Variants in WNT7A observed in about 807,000 individuals in gnomAD.
The protein encoded by WNT7A is Wnt family member 7A.
A neutral mutation model predicts 28.2 loss-of-function variants in WNT7A; 16 were observed. The ratio of observed to expected loss-of-function variants is 0.57; its 90% confidence interval spans 0.38 to 0.86. WNT7A has a LOEUF of 0.86. WNT7A is among the 40% of genes least tolerant of loss of function. The probability of loss-of-function intolerance (pLI) is 0.00; values close to 1 mark genes in which losing one functional copy is unlikely to be tolerated. For synonymous variants in WNT7A, 190 were observed against 195.9 expected (o/e 0.97, Z 0.25); for missense variants, 411 against 489.7 (o/e 0.84, Z 1.52).
intron 3 of WNT7A, among the ~76,000 whole-genome samples, chr3:13,821,978 C>A (rs375422865): frequency 1.3e-5 from 2 of 152,326 alleles, no homozygotes; most frequent in Non-Finnish European, 2.9e-5. Context: ...CAATGGCCAA[C>A]AAGCACATGA....
chr3:13,869,090 GAGAGAA>G (rs1396745159), intron 2 of WNT7A, among the ~76,000 whole-genome samples: 27 of 146,252 alleles, frequency 1.8e-4, no homozygotes, highest in Non-Finnish European at 3.6e-4. Flanking sequence ...GAAAGAGGGA[GAGAGAA>G]AGAGAAAGAG....
At chr3:13,866,002 A>G (rs887938992) in intron 2 of WNT7A, among the ~76,000 whole-genome samples, 2 of 152,254 alleles carry the variant, frequency 1.3e-5, no homozygotes, top group African/African-American at 4.8e-5. Context: ...AGGATGGTCC[A>G]GGAAGACCTC....
At chr3:13,823,383 C>T (rs1468851750) in intron 3 of WNT7A, among the ~76,000 whole-genome samples, 1 of 152,190 alleles carries the variant, frequency 6.6e-6, no homozygotes, top group Non-Finnish European at 1.5e-5. Context: ...GCAGAAAATG[C>T]CAGAAGGTAA....
At chr3:13,873,669 C>T (rs539833837) in intron 2 of WNT7A, among the ~76,000 whole-genome samples, 98 of 152,180 alleles carry the variant, frequency 6.4e-4, no homozygotes, top group Non-Finnish European at 1.1e-3. Flanking sequence ...CAAACCAGTT[C>T]GGAATGGATT....
At chr3:13,849,695 G>C (rs531587866) in intron 3 of WNT7A, among the ~76,000 whole-genome samples, 134 of 152,318 alleles carry the variant, frequency 8.8e-4, no homozygotes, top group South Asian at 2.5e-3. Flanking sequence ...GATGGAGAGA[G>C]ATGAGACAGA....
chr3:13,821,865 A>T (rs1223844784), intron 3 of WNT7A, among the ~76,000 whole-genome samples: 1 of 152,238 alleles, frequency 6.6e-6, no homozygotes, highest in African/African-American at 2.4e-5. Context: ...TTATGGTTAC[A>T]TGGATCATGC....
At chr3:13,868,193 T>C (rs1227116790) in intron 2 of WNT7A, among the ~76,000 whole-genome samples, 2 of 152,060 alleles carry the variant, frequency 1.3e-5, no homozygotes, top group Non-Finnish European at 2.9e-5. Context: ...AAGGTCACAA[T>C]ATTATTTAAG....
intron 2 of WNT7A, among the ~76,000 whole-genome samples, chr3:13,868,361 T>C (rs58454582): frequency 0.8 from 121,718 of 151,440 alleles, 49,715 homozygotes; most frequent in East Asian, 1. Context: ...GGTGAGGTGG[T>C]GTGTGCCTGT....
intron 3 of WNT7A, among the ~76,000 whole-genome samples, chr3:13,847,210 C>T (rs115191900): frequency 6.6e-6 from 1 of 152,210 alleles, no homozygotes; most frequent in African/African-American, 2.4e-5. Context: ...GTAGCTTCCT[C>T]TCTGGTCTAG....
chr3:13,872,537 G>A (rs1051784564), intron 2 of WNT7A, among the ~76,000 whole-genome samples: 3 of 151,974 alleles, frequency 2.0e-5, no homozygotes, highest in Admixed American at 6.5e-5. Context: ...AGGCTCCTCC[G>A]ACCAACTGCC....
intron 2 of WNT7A, among the ~76,000 whole-genome samples, chr3:13,869,982 C>T (rs1695006363): frequency 6.6e-6 from 1 of 152,152 alleles, no homozygotes; most frequent in Admixed American, 6.5e-5. Context: ...GTTGTTTCCT[C>T]TGCCTGGAAT....
chr3:13,858,175 C>A (rs1694776876), intron 2 of WNT7A, among the ~76,000 whole-genome samples: 1 of 152,194 alleles, frequency 6.6e-6, no homozygotes, highest in South Asian at 2.1e-4. Context: ...TGAAATGATT[C>A]CCAGGTGCAG....
intron 1 of WNT7A, among the ~76,000 whole-genome samples, chr3:13,878,123 T>C (rs972072814): frequency 3.3e-5 from 5 of 151,844 alleles, no homozygotes; most frequent in African/African-American, 1.2e-4. Context: ...CAGGACTCCC[T>C]CCCTCCCTCC....
intron 3 of WNT7A, among the ~76,000 whole-genome samples, chr3:13,849,492 T>C (rs558561332): frequency 6.6e-6 from 1 of 152,348 alleles, no homozygotes; most frequent in African/African-American, 2.4e-5. Flanking sequence ...TGCCATATCA[T>C]TTGTTCACTC....
chr3:13,825,375 G>A (rs1335482313), intron 3 of WNT7A, among the ~76,000 whole-genome samples: 8 of 152,130 alleles, frequency 5.3e-5, no homozygotes, highest in African/African-American at 1.7e-4. Flanking sequence ...CTGCCTATAC[G>A]TCAGCATTCC....
rs1008970178 is a variant in WNT7A at position 13,878,728 on chromosome 3, G to A, written c.71+1018C>T. 4.6e-5 allele frequency among the ~76,000 whole-genome samples: 7 copies of A among 152,332 alleles called. No homozygotes were observed. The South Asian group carries it at 6.2e-4, about 14-fold the overall frequency. On this transcript the variant is annotated intron_variant, in intron 1 of 3. Transcript: ENST00000285018. ...CCCCTCCTCAAAAGGGATGGTAATG[G>A]GTTCACTGCTGGGGGCTGGAGGGGC... is the stretch of plus-strand genomic sequence containing the variant.
At chr3:13,868,460 G>C (rs541771036) in intron 2 of WNT7A, among the ~76,000 whole-genome samples, 2 of 147,936 alleles carry the variant, frequency 1.4e-5, no homozygotes, top group Non-Finnish European at 3.0e-5. Context: ...GGGTGACAGA[G>C]AGAGACCCTG....
chr3:13,836,244 T>C (rs1694366666), intron 3 of WNT7A, among the ~76,000 whole-genome samples: 2 of 149,002 alleles, frequency 1.3e-5, no homozygotes, highest in Non-Finnish European at 1.5e-5. Context: ...ATTGGGCCAG[T>C]GTCCCTAGGA....
intron 3 of WNT7A, among the ~76,000 whole-genome samples, chr3:13,846,675 C>T (rs1694542416): frequency 1.3e-5 from 2 of 152,168 alleles, no homozygotes; most frequent in Non-Finnish European, 2.9e-5. Flanking sequence ...ATAGCAAGTT[C>T]CTTCTCACTT....
Sources: gnomAD v4.1 joint callset for allele counts (sites outside exome capture counted in the v4.1 genomes callset) on GRCh38, gnomAD v4.1.1 for gene constraint, MANE v1.5 for transcripts, NCBI Gene and HGNC (gene_info 2026-07-23, HGNC 2026-07-21) for gene names.